GMDS: variants seen among roughly 807,000 people sequenced by gnomAD.
GMDS encodes GDP-mannose 4,6 dehydratase.
GMDS carries 20 observed loss-of-function variants against 49.9 expected under a neutral mutation model. The ratio of observed to expected loss-of-function variants is 0.40; its 90% confidence interval spans 0.28 to 0.58. The LOEUF is 0.58. Among genes scored for constraint, GMDS ranks in the 20% least tolerant of loss-of-function variants. The probability of loss-of-function intolerance (pLI) is 0.42; values close to 1 mark genes in which losing one functional copy is unlikely to be tolerated. For synonymous variants in GMDS, 177 were observed against 178.6 expected (o/e 0.99, Z 0.07); for missense variants, 362 against 481.4 (o/e 0.75, Z 2.32).
intron 2 of GMDS, among the ~76,000 whole-genome samples, chr6:2,124,408 T>A (rs1007418481): frequency 2.0e-5 from 3 of 152,202 alleles, no homozygotes; most frequent in African/African-American, 7.2e-5. Flanking sequence ...ATGTTACAGC[T>A]TCGCTTGCAC....
intron 7 of GMDS, among the ~76,000 whole-genome samples, chr6:1,859,789 C>T (rs1758100505): frequency 6.6e-6 from 1 of 152,170 alleles, no homozygotes; most frequent in African/African-American, 2.4e-5. Flanking sequence ...ATGTCTGCAG[C>T]CCTTACAATA....
intron 1 of GMDS, among the ~76,000 whole-genome samples, chr6:2,244,744 A>C (rs1185387067): frequency 1.3e-5 from 2 of 152,050 alleles, no homozygotes; most frequent in Non-Finnish European, 2.9e-5. Flanking sequence ...GTGATTTTAA[A>C]AAGTTTTTTA....
intron 4 of GMDS, among the ~76,000 whole-genome samples, chr6:1,997,473 A>C (rs1471119023): frequency 7.1e-6 from 1 of 141,798 alleles, no homozygotes; most frequent in Admixed American, 7.5e-5. Context: ...GCGCCACTGC[A>C]CTCCAGCCTG....
In GMDS at chr6:1,738,170, CAT is replaced by C. The variant is rs1316935290; in HGVS notation, c.890+4296_890+4297del. Among the ~76,000 whole-genome samples the C allele has an allele frequency of 9.0e-3, 1,348 of 149,186 alleles. 20 individuals carry two copies. Among genetic ancestry groups the C allele is most frequent in the African/African-American group, 0.031 (1,207 of 39,206 alleles). ...AGATACACATACACACACACAGACA[CAT>C]ACACACACACATATACACACATACA... On this transcript the variant is annotated intron_variant, in intron 8 of 10. Transcript: ENST00000380815.
At chr6:1,847,125 T>C (rs1041055549) in intron 7 of GMDS, among the ~76,000 whole-genome samples, 1 of 152,184 alleles carries the variant, frequency 6.6e-6, no homozygotes, top group Non-Finnish European at 1.5e-5. Flanking sequence ...GGTGCAATCA[T>C]AGCTCACTGC....
intron 9 of GMDS, among the ~76,000 whole-genome samples, chr6:1,686,027 A>G (rs1221042835): frequency 6.6e-6 from 1 of 152,136 alleles, no homozygotes; most frequent in Non-Finnish European, 1.5e-5. Context: ...TTCTGAGACA[A>G]GAAGTCGCTC....
chr6:1,645,891 A>G (rs1403397197), intron 9 of GMDS, among the ~76,000 whole-genome samples: 1 of 152,122 alleles, frequency 6.6e-6, no homozygotes, highest in African/African-American at 2.4e-5. Flanking sequence ...ATCTGTGGTT[A>G]TTTTGCCAAT....
intron 4 of GMDS, among the ~76,000 whole-genome samples, chr6:2,082,103 A>G (rs1772743536): frequency 6.6e-6 from 1 of 152,194 alleles, no homozygotes; most frequent in Admixed American, 6.5e-5. Flanking sequence ...ATGCATAGTA[A>G]TAACATTCAA....
At chr6:1,918,532 G>C (rs1315351976) in intron 7 of GMDS, among the ~76,000 whole-genome samples, 1 of 151,722 alleles carries the variant, frequency 6.6e-6, no homozygotes, top group African/African-American at 2.4e-5. Flanking sequence ...GATCATTTGA[G>C]CTCTGGAGTT....
intron 7 of GMDS, among the ~76,000 whole-genome samples, chr6:1,876,060 A>C (rs561117980): frequency 2.6e-4 from 40 of 151,224 alleles, no homozygotes; most frequent in Non-Finnish European, 3.8e-4. Flanking sequence ...GAGCATAAAT[A>C]ATGCAGTCTT....
chr6:1,985,498 T>C (rs912002198), intron 4 of GMDS, among the ~76,000 whole-genome samples: 1 of 151,854 alleles, frequency 6.6e-6, no homozygotes, highest in Non-Finnish European at 1.5e-5. Flanking sequence ...ATTCTGAAAA[T>C]GACTTTGAAA....
intron 7 of GMDS, among the ~76,000 whole-genome samples, chr6:1,922,969 C>T (rs1469706614): frequency 1.3e-5 from 2 of 152,190 alleles, no homozygotes; most frequent in East Asian, 3.9e-4. Context: ...GTTCCCCCAT[C>T]CTGTTCTCAT....
At chr6:1,705,525 A>G (rs1053245119) in intron 9 of GMDS, among the ~76,000 whole-genome samples, 2 of 152,238 alleles carry the variant, frequency 1.3e-5, no homozygotes, top group African/African-American at 4.8e-5. Flanking sequence ...ATGTATGAAC[A>G]GTTACAGTAA....
intron 8 of GMDS, among the ~76,000 whole-genome samples, chr6:1,737,011 G>A (rs3778516): frequency 6.6e-6 from 1 of 152,132 alleles, no homozygotes; most frequent in East Asian, 1.9e-4. Context: ...ATGAAGCTTA[G>A]GACCCAGGGT....
chr6:2,193,133 T>C (rs1407870282), intron 1 of GMDS, among the ~76,000 whole-genome samples: 2 of 152,194 alleles, frequency 1.3e-5, no homozygotes, highest in African/African-American at 4.8e-5. Context: ...CTAGAGGTCC[T>C]AAGACACCCA....
intron 1 of GMDS, among the ~76,000 whole-genome samples, chr6:2,203,672 G>A (rs1779656172): frequency 6.6e-6 from 1 of 152,146 alleles, no homozygotes; most frequent in African/African-American, 2.4e-5. Context: ...AAAAAAATGT[G>A]TTTTTAAAAT....
At chr6:1,959,575 C>T (rs576472338) in intron 6 of GMDS, 6 of 211,236 alleles carry the variant, frequency 2.8e-5, no homozygotes, top group Middle Eastern at 1.6e-3. Context: ...CATATAGTAG[C>T]TTCCTAATAC....
At chr6:2,148,735 T>C (rs1330731056) in intron 1 of GMDS, among the ~76,000 whole-genome samples, 1 of 152,222 alleles carries the variant, frequency 6.6e-6, no homozygotes, top group Non-Finnish European at 1.5e-5. Flanking sequence ...TTAGTCTTGA[T>C]GGAAGGTTCT....
intron 9 of GMDS, among the ~76,000 whole-genome samples, chr6:1,683,754 C>G (rs62388268): frequency 3.9e-5 from 6 of 152,100 alleles, no homozygotes; most frequent in Non-Finnish European, 4.4e-5. Flanking sequence ...ACACGTTCAA[C>G]TTTTCATAAC....
Sources: allele counts gnomAD v4.1 joint callset (sites outside exome capture counted in the v4.1 genomes callset), GRCh38; gene constraint gnomAD v4.1.1; transcripts MANE v1.5; gene names NCBI Gene and HGNC (gene_info 2026-07-23, HGNC 2026-07-21).